TSNARE1: variants seen among roughly 807,000 people sequenced by gnomAD.
TSNARE1 encodes t-SNARE domain containing 1, also known as t-SNARE domain-containing protein 1.
In TSNARE1, 49 loss-of-function variants were observed where a neutral mutation model predicts 62.0. The observed-to-expected ratio is 0.79, with a 90% CI of 0.63 to 1.00. The LOEUF (loss-of-function observed/expected upper bound fraction) is 1.00, where lower values mean the gene tolerates loss of function less well. Ranked by LOEUF, TSNARE1 falls within the 50% of genes least tolerant of loss-of-function variation. The probability of loss-of-function intolerance (pLI) is 0.00; values close to 1 mark genes in which losing one functional copy is unlikely to be tolerated. For synonymous variants in TSNARE1, 328 were observed against 294.4 expected (o/e 1.11, Z -1.17); for missense variants, 755 against 700.1 (o/e 1.08, Z -0.88).
At chr8:142,241,161 A>T (rs1817654182) in intron 12 of TSNARE1, among the ~76,000 whole-genome samples, 1 of 152,222 alleles carries the variant, frequency 6.6e-6, no homozygotes, top group Non-Finnish European at 1.5e-5. Flanking sequence ...TAACAAACGA[A>T]TTCAGGAAAG....
rs10100321 is a variant in TSNARE1 at position 142,232,126 on chromosome 8, A to G, written c.1447-2547T>C. Among the ~76,000 whole-genome samples, 3 of 152,204 alleles carry G rather than the reference A, an allele frequency of 2.0e-5. No individual in the cohort carries two copies. In the South Asian group the frequency reaches 6.2e-4, roughly 32 times the overall value. On this transcript the variant is annotated intron_variant, in intron 12 of 13. Transcript: ENST00000524325. Reference sequence around the variant, plus strand: ...GCACAGTGCTGGGCCTCTCGGCAGCAGCAGTTCCCGGCCTTTGACTTGGGG... The same window carrying G: ...GCACAGTGCTGGGCCTCTCGGCAGCGGCAGTTCCCGGCCTTTGACTTGGGG...
At chr8:142,391,384 G>A (rs1282380274) in intron 1 of TSNARE1, among the ~76,000 whole-genome samples, 1 of 147,696 alleles carries the variant, frequency 6.8e-6, no homozygotes, top group South Asian at 2.2e-4. Context: ...GGGAGACTCT[G>A]TAACAGATGC....
intron 6 of TSNARE1, among the ~76,000 whole-genome samples, chr8:142,328,504 T>C (rs1830561782): frequency 1.3e-5 from 2 of 152,246 alleles, no homozygotes; most frequent in Admixed American, 6.5e-5. Flanking sequence ...TTCTTGCCTT[T>C]CTTTGTTCAA....
Position 142,273,751 on chromosome 8 carries a change from C to A in TSNARE1, c.1446+1030G>T, listed in dbSNP as rs534578449. The A allele has an allele frequency of 5.1e-6, 5 of 985,434 alleles. No homozygotes were observed. In the South Asian group the frequency reaches 1.9e-4, roughly 37 times the overall value. 61.0% of individuals were successfully genotyped at this position (985,434 alleles called of 1,614,324 possible). ...CTGGGGAAGCTCAAGGCAGCCCTGGCCTTTCCCTCATTCTCCACCCAGTCA... is the reference window on the plus strand; with the variant it reads ...CTGGGGAAGCTCAAGGCAGCCCTGGACTTTCCCTCATTCTCCACCCAGTCA... On this transcript the variant is annotated intron_variant, in intron 12 of 13. Transcript: ENST00000524325.
At chr8:142,233,163 G>A (rs1245843450) in intron 12 of TSNARE1, among the ~76,000 whole-genome samples, 4 of 152,222 alleles carry the variant, frequency 2.6e-5, no homozygotes, top group African/African-American at 9.6e-5. Context: ...TGAGTAGACT[G>A]CAGAGGGACC....
chr8:142,221,728 CTCACTCAT>C (rs1304517777), intron 13 of TSNARE1, among the ~76,000 whole-genome samples: 4 of 139,488 alleles, frequency 2.9e-5, no homozygotes, highest in Non-Finnish European at 6.2e-5. Context: ...CACTCATTCA[CTCACTCAT>C]TCACTCACTC....
chr8:142,373,617 G>A (rs571315377), intron 1 of TSNARE1, among the ~76,000 whole-genome samples: 41 of 150,386 alleles, frequency 2.7e-4, no homozygotes, highest in African/African-American at 3.4e-4. Context: ...TCTCTGTGAC[G>A]CCCCCACCCC....
chr8:142,324,985 C>T (rs1016963103), intron 6 of TSNARE1, among the ~76,000 whole-genome samples: 15 of 152,360 alleles, frequency 9.8e-5, no homozygotes, highest in African/African-American at 3.6e-4. Context: ...TACACTGCCC[C>T]GTCCTAGACC....
At chr8:142,360,419 C>T (rs940736025) in intron 1 of TSNARE1, among the ~76,000 whole-genome samples, 3 of 152,118 alleles carry the variant, frequency 2.0e-5, no homozygotes, top group South Asian at 4.1e-4. Flanking sequence ...AAGCTGGCAG[C>T]GGGGCCAGGA....
intron 12 of TSNARE1, among the ~76,000 whole-genome samples, chr8:142,240,390 C>T (rs1302251049): frequency 2.6e-5 from 4 of 152,112 alleles, no homozygotes; most frequent in South Asian, 2.1e-4. Flanking sequence ...TCCAAATCCA[C>T]CAGTGGGGTA....
rs112409827 is a variant in TSNARE1, at chr8:142,370,853, A to AC, written c.-39-16091_-39-16090insG. Among the ~76,000 whole-genome samples the AC allele has an allele frequency of 9.6e-3, 1,456 of 151,920 alleles. 31 individuals carry two copies. Among genetic ancestry groups the AC allele is most frequent in the African/African-American group, 0.034 (1,390 of 41,446 alleles). ...CTGGGAGGGAAAACAAAAAACAAAA[A>AC]AAAAAAAACCTGCAAGCCAGAATTC... is the stretch of plus-strand genomic sequence containing the variant. On this transcript the variant is annotated intron_variant, in intron 1 of 13. Coordinates refer to ENST00000524325, the MANE Select transcript of TSNARE1 (RefSeq NM_145003.5).
intron 12 of TSNARE1, among the ~76,000 whole-genome samples, chr8:142,268,614 T>C (rs1486722745): frequency 6.6e-6 from 1 of 150,902 alleles, no homozygotes; most frequent in Non-Finnish European, 1.5e-5. Flanking sequence ...AATCCTGATT[T>C]GGGGCTGAAG....
At chr8:142,272,885 G>A (rs1005065231) in intron 12 of TSNARE1, 13 of 983,556 alleles carry the variant, frequency 1.3e-5, no homozygotes, top group South Asian at 9.4e-5. Flanking sequence ...TCCTGACACC[G>A]TGGGGAAGGC....
At chr8:142,237,905 T>C (rs1402341011) in intron 12 of TSNARE1, among the ~76,000 whole-genome samples, 11 of 152,080 alleles carry the variant, frequency 7.2e-5, no homozygotes, top group Non-Finnish European at 1.3e-4. Flanking sequence ...AAGCGTCGGG[T>C]TGGGGGAAGG....
chr8:142,295,373 C>A (rs967070198), intron 10 of TSNARE1, among the ~76,000 whole-genome samples: 15 of 152,214 alleles, frequency 9.9e-5, no homozygotes, highest in Non-Finnish European at 1.8e-4. Flanking sequence ...GGCATGGTGT[C>A]CTCCCTGGAG....
intron 12 of TSNARE1, among the ~76,000 whole-genome samples, chr8:142,233,379 G>A (rs932304840): frequency 9.9e-5 from 15 of 152,132 alleles, no homozygotes; most frequent in Admixed American, 9.2e-4. Context: ...CCCACTCTTC[G>A]TGCTGGGGAA....
intron 12 of TSNARE1, among the ~76,000 whole-genome samples, chr8:142,262,409 T>C (rs1175980017): frequency 6.6e-6 from 1 of 152,176 alleles, no homozygotes; most frequent in Admixed American, 6.5e-5. Flanking sequence ...CCACAAATAT[T>C]GTCCTCATAT....
At chr8:142,340,301 T>C (rs980510171) in intron 4 of TSNARE1, among the ~76,000 whole-genome samples, 1 of 151,980 alleles carries the variant, frequency 6.6e-6, no homozygotes, top group African/African-American at 2.4e-5. Flanking sequence ...GAACCCTACT[T>C]TATAGAGGAG....
intron 4 of TSNARE1, among the ~76,000 whole-genome samples, chr8:142,339,443 CG>C (rs1026915271): frequency 2.5e-4 from 38 of 152,004 alleles, no homozygotes; most frequent in African/African-American, 8.9e-4. Context: ...GAAGCCAGGG[CG>C]GGCAGGCAGG....
Sources: gnomAD v4.1 joint callset for allele counts (sites outside exome capture counted in the v4.1 genomes callset) on GRCh38, gnomAD v4.1.1 for gene constraint, MANE v1.5 for transcripts, NCBI Gene and HGNC (gene_info 2026-07-23, HGNC 2026-07-21) for gene names.